SPTLC3: variants seen among roughly 807,000 people sequenced by gnomAD.
The protein encoded by SPTLC3 is serine palmitoyltransferase long chain base subunit 3.
SPTLC3 carries 36 observed loss-of-function variants against 59.3 expected under a neutral mutation model. That is an observed-to-expected ratio of 0.61 (90% CI 0.47 to 0.80). SPTLC3 has a LOEUF of 0.80. SPTLC3 is among the 30% of genes least tolerant of loss of function. The probability of loss-of-function intolerance (pLI) is 0.00; values close to 1 mark genes in which losing one functional copy is unlikely to be tolerated. For missense variants in SPTLC3, 625 were observed against 685.1 expected, an observed-to-expected ratio of 0.91 and a Z score of 0.98; for synonymous variants, 257 against 240.8, an observed-to-expected ratio of 1.07 and a Z score of -0.62.
intron 1 of SPTLC3, among the ~76,000 whole-genome samples, chr20:13,020,355 A>AAAAAAAG (rs1555786643): frequency 6.7e-6 from 1 of 149,064 alleles, no homozygotes; most frequent in African/African-American, 2.5e-5. Context: ...CTTAAAAAAA[A>AAAAAAAG]AAAAGAAAAA....
chr20:13,021,343 T>C (rs1264684589), intron 1 of SPTLC3, among the ~76,000 whole-genome samples: 1 of 152,198 alleles, frequency 6.6e-6, no homozygotes. Flanking sequence ...TTTCATCATG[T>C]TAAATACAGT....
At chr20:13,023,488 C>CT (rs1199045442) in intron 1 of SPTLC3, among the ~76,000 whole-genome samples, 22 of 152,106 alleles carry the variant, frequency 1.4e-4, no homozygotes, top group African/African-American at 5.1e-4. Flanking sequence ...TGAATAAAGA[C>CT]TATCTGTTTT....
chr20:13,149,650 T>C (rs2038598196), intron 9 of SPTLC3, among the ~76,000 whole-genome samples: 1 of 152,210 alleles, frequency 6.6e-6, no homozygotes, highest in East Asian at 1.9e-4. Context: ...CTGTGCTAAA[T>C]GGTTTAAAGA....
chr20:13,032,562 C>G (rs1986537689), intron 1 of SPTLC3, among the ~76,000 whole-genome samples: 1 of 152,184 alleles, frequency 6.6e-6, no homozygotes, highest in Non-Finnish European at 1.5e-5. Flanking sequence ...TCCCTCATTT[C>G]CACCCACCAA....
At chr20:13,132,154 C>A (rs933940362) in intron 9 of SPTLC3, among the ~76,000 whole-genome samples, 26 of 150,628 alleles carry the variant, frequency 1.7e-4, no homozygotes, top group Non-Finnish European at 3.5e-4. Flanking sequence ...CCCTCTAATT[C>A]TCCTCACCTT....
intron 9 of SPTLC3, among the ~76,000 whole-genome samples, chr20:13,136,492 C>T (rs2038246604): frequency 6.6e-6 from 1 of 151,536 alleles, no homozygotes; most frequent in Middle Eastern, 3.4e-3. Flanking sequence ...CCCAGCTACT[C>T]GGGAGGAAGT....
chr20:13,154,201 G>T, intron 10 of SPTLC3, 63 bp downstream of exon 10: 1 of 1,596,220 alleles, frequency 6.3e-7, no homozygotes, highest in Non-Finnish European at 8.5e-7. Context: ...ATGGCTTTTT[G>T]GCACAGGCGT....
intron 8 of SPTLC3, among the ~76,000 whole-genome samples, chr20:13,124,209 GC>G (rs2037933416): frequency 6.6e-6 from 1 of 152,080 alleles, no homozygotes; most frequent in East Asian, 1.9e-4. Flanking sequence ...CCAGGGACTA[GC>G]CTTATGGTCC....
chr20:13,126,818 C>A, intron 9 of SPTLC3, 101 bp downstream of exon 9: 2 of 1,422,992 alleles, frequency 1.4e-6, no homozygotes, highest in South Asian at 1.5e-5. Context: ...TCTTATAGAA[C>A]CCTATTTGTA....
At chr20:13,087,504 A>T (rs1253815059) in intron 4 of SPTLC3, among the ~76,000 whole-genome samples, 2 of 152,198 alleles carry the variant, frequency 1.3e-5, no homozygotes, top group African/African-American at 4.8e-5. Context: ...TTGCCTAGGC[A>T]TTGAATGGCC....
chr20:13,124,689 C>T (rs112026264), intron 8 of SPTLC3, among the ~76,000 whole-genome samples: 1 of 152,106 alleles, frequency 6.6e-6, no homozygotes, highest in Non-Finnish European at 1.5e-5. Flanking sequence ...TAACCTTCAC[C>T]GACCACTGTA....
chr20:13,015,218 T>C (rs1171228268), intron 1 of SPTLC3, among the ~76,000 whole-genome samples: 1 of 152,110 alleles, frequency 6.6e-6, no homozygotes, highest in East Asian at 1.9e-4. Context: ...ATATCAAGGG[T>C]AAATATTATT....
At chr20:13,051,495 C>T (rs1472796894) in intron 2 of SPTLC3, among the ~76,000 whole-genome samples, 1 of 152,184 alleles carries the variant, frequency 6.6e-6, no homozygotes, top group South Asian at 2.1e-4. Flanking sequence ...TAGTGAGGGA[C>T]TTCAGTACTC....
intron 6 of SPTLC3, among the ~76,000 whole-genome samples, chr20:13,106,601 G>C (rs959890587): frequency 6.6e-5 from 10 of 152,132 alleles, no homozygotes; most frequent in African/African-American, 2.4e-4. Context: ...GCTATATCAG[G>C]AAGGGCCATT....
chr20:13,079,628 C>A (rs1019321445), intron 4 of SPTLC3: 5 of 310,420 alleles, frequency 1.6e-5, no homozygotes, highest in Non-Finnish European at 3.4e-5. Flanking sequence ...CCAGGGAGGA[C>A]CCTGTTAGGA....
At chr20:13,138,293 C>T (rs1197476928) in intron 9 of SPTLC3, among the ~76,000 whole-genome samples, 3 of 152,190 alleles carry the variant, frequency 2.0e-5, no homozygotes, top group Non-Finnish European at 4.4e-5. Context: ...ATCTCCTCAA[C>T]TATTCTGCAG....
At chr20:13,063,353 A>G (rs1248623842) in intron 2 of SPTLC3, among the ~76,000 whole-genome samples, 2 of 152,048 alleles carry the variant, frequency 1.3e-5, no homozygotes, top group African/African-American at 4.8e-5. Context: ...TATTTCTCCA[A>G]TTCTGTTTCT....
At chr20:13,057,928 AATACTTCAAGTGC>A (rs1176571396) in intron 2 of SPTLC3, among the ~76,000 whole-genome samples, 1 of 152,208 alleles carries the variant, frequency 6.6e-6, no homozygotes, top group African/African-American at 2.4e-5. Context: ...GAGATTAGAA[AATACTTCAAGTGC>A]AGCCAATTCT....
At chr20:13,163,367 CA>C (rs56217510) in intron 11 of SPTLC3, among the ~76,000 whole-genome samples, 7,106 of 89,980 alleles carry the variant, frequency 0.079, 141 homozygotes, top group African/African-American at 0.16. Context: ...GACGCTGTCT[CA>C]AAAAAAAAAA....
Sources: allele counts gnomAD v4.1 joint callset (sites outside exome capture counted in the v4.1 genomes callset), GRCh38; gene constraint gnomAD v4.1.1; transcripts MANE v1.5; gene names NCBI Gene and HGNC (gene_info 2026-07-23, HGNC 2026-07-21).